Variants in RARB observed in about 807,000 individuals in gnomAD.
RARB encodes the protein retinoic acid receptor beta.
A neutral mutation model predicts 51.9 loss-of-function variants in RARB; 17 were observed. The observed-to-expected ratio is 0.33, with a 90% CI of 0.22 to 0.49. The LOEUF is 0.49. RARB is among the 20% of genes least tolerant of loss of function. The probability of loss-of-function intolerance (pLI) is 0.99; values close to 1 mark genes in which losing one functional copy is unlikely to be tolerated. For synonymous variants in RARB, 215 were observed against 195.4 expected (o/e 1.10, Z -0.84); for missense variants, 369 against 550.8 (o/e 0.67, Z 3.30).
At chr3:24,914,284 C>G (rs1015097100) in intron 2 of RARB, among the ~76,000 whole-genome samples, 1 of 152,162 alleles carries the variant, frequency 6.6e-6, no homozygotes, top group South Asian at 2.1e-4. Context: ...CCTGTGGCAT[C>G]TCAGTGACAA....
At chr3:25,476,793 C>T (rs1695971143) in intron 2 of RARB, among the ~76,000 whole-genome samples, 1 of 152,178 alleles carries the variant, frequency 6.6e-6, no homozygotes, top group Admixed American at 6.5e-5. Context: ...TGCAAGTTTC[C>T]TGTAGTGGAA....
chr3:24,846,661 T>A (rs984037849), intron 1 of RARB, among the ~76,000 whole-genome samples: 1 of 152,192 alleles, frequency 6.6e-6, no homozygotes, highest in African/African-American at 2.4e-5. Context: ...TGTGTCCAGA[T>A]GTCCCTAGTC....
intron 2 of RARB, among the ~76,000 whole-genome samples, chr3:25,473,645 C>T (rs1229426438): frequency 6.6e-6 from 1 of 152,086 alleles, no homozygotes; most frequent in Non-Finnish European, 1.5e-5. Flanking sequence ...CAAGGTGGCC[C>T]GTCTGCCAGG....
chr3:25,115,638 C>A (rs1351202355), intron 3 of RARB, among the ~76,000 whole-genome samples: 2 of 129,796 alleles, frequency 1.5e-5, no homozygotes, highest in African/African-American at 2.9e-5. Flanking sequence ...TTTTTCCTTT[C>A]TTTTTCTTTC....
chr3:25,062,061 T>C (rs1468765125), intron 3 of RARB, among the ~76,000 whole-genome samples: 1 of 151,756 alleles, frequency 6.6e-6, no homozygotes, highest in African/African-American at 2.4e-5. Flanking sequence ...TATAGAAGTA[T>C]AAAATATCTT....
At chr3:25,189,684 C>G (rs549583822) in intron 5 of RARB, among the ~76,000 whole-genome samples, 2 of 152,052 alleles carry the variant, frequency 1.3e-5, no homozygotes, top group Non-Finnish European at 2.9e-5. Context: ...GTCAGGAGTT[C>G]AAGACCAGCC....
rs141069031 is a variant in RARB at position 25,213,317 on chromosome 3, T to C, written c.178+38742T>C. 5.3e-3 allele frequency among the ~76,000 whole-genome samples: 803 copies of C among 152,294 alleles called. 14 individuals carry two copies. The highest frequency in any genetic ancestry group is 0.017 in the African/African-American group (708 of 41,558). On this transcript the variant is annotated intron_variant, in intron 5 of 11. Transcript: ENST00000383772. ...CACTACATACTATATAATCACACAG[T>C]TTGAGTCCTTTTGTGTCTGACATCC...
intron 2 of RARB, among the ~76,000 whole-genome samples, chr3:25,044,356 C>T (rs1325594244): frequency 6.6e-6 from 1 of 152,152 alleles, no homozygotes; most frequent in Non-Finnish European, 1.5e-5. Flanking sequence ...TCTGAGTCTG[C>T]CTACTGTTGT....
At position 25,115,639 on chromosome 3, in the gene RARB, T is replaced by TC. The variant is rs1239438050; in HGVS notation, c.-327-16522_-327-16521insC. Reference sequence around the variant, plus strand: ...CTTCCTTTTTCTTTTTTTTCCTTTCTTTTTCTTTCTTTCTTTTTCCTTTCC... The same window carrying TC: ...CTTCCTTTTTCTTTTTTTTCCTTTCTCTTTTCTTTCTTTCTTTTTCCTTTCC... On this transcript the variant is annotated intron_variant, in intron 3 of 11. Transcript: ENST00000383772. Among the ~76,000 whole-genome samples, 6 of 151,702 alleles carry TC rather than the reference T, an allele frequency of 4.0e-5. No individual in the cohort carries two copies. In the Admixed American group the frequency reaches 4.0e-4, roughly 10 times the overall value.
intron 5 of RARB, among the ~76,000 whole-genome samples, chr3:25,197,983 T>G (rs1701289495): frequency 6.6e-6 from 1 of 152,080 alleles, no homozygotes; most frequent in Admixed American, 6.6e-5. Context: ...AAAGCTATCC[T>G]GAGCATAAAG....
intron 2 of RARB, among the ~76,000 whole-genome samples, chr3:25,012,701 A>G (rs1697424444): frequency 6.6e-6 from 1 of 152,164 alleles, no homozygotes; most frequent in African/African-American, 2.4e-5. Flanking sequence ...TAGCTGGAAA[A>G]ATGAGACACC....
At chr3:24,963,742 A>G (rs750604462) in intron 2 of RARB, among the ~76,000 whole-genome samples, 6 of 151,988 alleles carry the variant, frequency 3.9e-5, no homozygotes, top group Non-Finnish European at 8.8e-5. Context: ...GCTTTCAGTC[A>G]CAGGAATGCA....
At chr3:24,902,960 T>G (rs1233201850) in intron 2 of RARB, among the ~76,000 whole-genome samples, 1 of 152,134 alleles carries the variant, frequency 6.6e-6, no homozygotes, top group Non-Finnish European at 1.5e-5. Context: ...ACTAATTTTT[T>G]CAAACCTTTC....
intron 1 of RARB, among the ~76,000 whole-genome samples, chr3:24,837,422 G>A (rs565113542): frequency 6.6e-5 from 10 of 152,308 alleles, no homozygotes; most frequent in South Asian, 2.1e-4. Context: ...TGTGTTCTGC[G>A]TTTAATTTGA....
chr3:25,164,630 T>C (rs569785123), intron 4 of RARB, among the ~76,000 whole-genome samples: 1 of 152,364 alleles, frequency 6.6e-6, no homozygotes, highest in Non-Finnish European at 1.5e-5. Context: ...TATAGGTATG[T>C]TGTAATATTT....
intron 5 of RARB, among the ~76,000 whole-genome samples, chr3:25,204,575 G>C (rs1406921494): frequency 6.6e-6 from 1 of 152,134 alleles, no homozygotes; most frequent in Non-Finnish European, 1.5e-5. Flanking sequence ...TTTGGTCTTT[G>C]ATGATGGTGA....
At chr3:25,113,941 A>G (rs182808921) in intron 3 of RARB, among the ~76,000 whole-genome samples, 1 of 152,298 alleles carries the variant, frequency 6.6e-6, no homozygotes, top group East Asian at 1.9e-4. Context: ...TCCCCTGGAA[A>G]TGGTTGCTAT....
intron 3 of RARB, 70 bp downstream of exon 3, chr3:25,501,393 A>AC: frequency 1.3e-6 from 2 of 1,547,174 alleles, no homozygotes; most frequent in Non-Finnish European, 1.7e-6. Flanking sequence ...TTCCACAGTC[A>AC]TGTGGAATTC....
intron 2 of RARB, among the ~76,000 whole-genome samples, chr3:25,037,082 CA>C (rs1698011501): frequency 6.6e-6 from 1 of 152,110 alleles, no homozygotes; most frequent in Non-Finnish European, 1.5e-5. Context: ...TTTCCAAATT[CA>C]ACAAAACTGA....
Sources: gnomAD v4.1 joint callset for allele counts (sites outside exome capture counted in the v4.1 genomes callset) on GRCh38, gnomAD v4.1.1 for gene constraint, MANE v1.5 for transcripts, NCBI Gene and HGNC (gene_info 2026-07-23, HGNC 2026-07-21) for gene names.